The following ICE1 variants were observed in gnomAD, a reference collection of about 807,000 sequenced individuals.
The protein encoded by ICE1 is interactor of little elongation complex ELL subunit 1.
A neutral mutation model predicts 192.7 loss-of-function variants in ICE1; 64 were observed. That is an observed-to-expected ratio of 0.33 (90% confidence interval 0.27 to 0.41). The LOEUF is 0.41. Among genes scored for constraint, ICE1 ranks in the 10% least tolerant of loss-of-function variants. ICE1 has a pLI of 1.00. For missense variants in ICE1, 2,708 were observed against 2,696.0 expected, an observed-to-expected ratio of 1.00 and a Z score of -0.10; for synonymous variants, 1,010 against 984.5, an observed-to-expected ratio of 1.03 and a Z score of -0.49.
rs1280870179 is a variant in ICE1 at position 5,462,703 on chromosome 5, A to C, written c.3369A>C (p.Gln1123His). 1.2e-6 allele frequency: 2 copies of C among 1,613,952 alleles called. No individual in the cohort carries two copies. The highest frequency in any genetic ancestry group is 3.3e-5 in the Admixed American group (2 of 60,020). The change falls in exon 13 of 19, where the codon CAA becomes CAC. Residue 1123 changes from glutamine (Q) to histidine (H), a missense_variant. Physicochemically the swap from Gln to His is conservative, Grantham distance 24. This residue lies in a region of ICE1 where 2,366 missense variants were observed against 2,276.6 expected (regional missense o/e 1.04). Coordinates refer to ENST00000296564, the MANE Select transcript of ICE1 (RefSeq NM_015325.3). ...AFSCSEGSEQ[Q>H]DAPDDSQKNL... is the part of the protein sequence containing the mutation. ...GCTGCAGTGAGGGGAGCGAACAGCA[A>C]GATGCTCCTGATGACTCACAGAAAA...
Position 5,463,626 on chromosome 5 carries a change from C to T in ICE1, c.4292C>T (p.Ala1431Val), listed in dbSNP as rs1185326369. 6.2e-7 allele frequency: 1 copy of T among 1,614,018 alleles called. No individual in the cohort carries two copies. Among genetic ancestry groups the T allele is most frequent in the African/African-American group, 1.3e-5 (1 of 75,052 alleles). ...GDNWTIISGV[A>V]VLPHVDQVTL... is the part of the protein sequence containing the mutation. Reference sequence around the variant, plus strand: ...AACTGGACAATCATCAGTGGTGTAGCTGTCTTGCCACATGTGGACCAGGTC... The same window carrying T: ...AACTGGACAATCATCAGTGGTGTAGTTGTCTTGCCACATGTGGACCAGGTC... Residue 1431 changes from alanine to valine, a missense_variant, in exon 13 of 19, where the codon GCT becomes GTT. By Grantham distance (64) the Ala-to-Val change is moderately conservative. This residue lies in a region of ICE1 where 2,366 missense variants were observed against 2,276.6 expected (regional missense o/e 1.04). Transcript: ENST00000296564.
chr5:5,422,884 C>A lies in ICE1; in HGVS notation c.-32C>A. 7.5e-7 allele frequency: 1 copy of A among 1,338,008 alleles called. No homozygotes were observed. Among genetic ancestry groups the A allele is most frequent in the Non-Finnish European group, 9.6e-7 (1 of 1,045,308 alleles). 82.9% of individuals were successfully genotyped at this position (1,338,008 alleles called of 1,614,324 possible). A position where few individuals can be genotyped will look rare whatever the true frequency, so the allele number is the denominator to read the frequency against. On this transcript the variant is annotated 5_prime_UTR_variant, in exon 1 of 19. Coordinates refer to ENST00000296564, the MANE Select transcript of ICE1 (RefSeq NM_015325.3). Reference sequence around the variant, plus strand: ...GGGCCGACGCCGCGGGCCCCTGAGGCGTGCGTGCCCACCGGGCCCGGCGGC... The same window carrying A: ...GGGCCGACGCCGCGGGCCCCTGAGGAGTGCGTGCCCACCGGGCCCGGCGGC...
chr5:5,464,019 ATCAG>A lies in ICE1; in HGVS notation c.4689_4692del (p.Ser1564ThrfsTer4). The A allele has an allele frequency of 6.2e-7, 1 of 1,613,716 alleles. No individual in the cohort carries two copies. Among genetic ancestry groups the A allele is most frequent in the Non-Finnish European group, 8.5e-7 (1 of 1,179,836 alleles). ...AATCGATCAAAGATTTCAAACAAAGATCAGTCAAACAAACCAGTAAAAACTTCAG... is the reference window on the plus strand; with the variant it reads ...AATCGATCAAAGATTTCAAACAAAGATCAAACAAACCAGTAAAAACTTCAG... On this transcript the variant is annotated frameshift_variant, in exon 13 of 19. Transcript: ENST00000296564. LOFTEE classifies it high-confidence loss of function. This position sits in a 1 kb window ranked among gnomAD's most constrained non-coding sequence, Gnocchi z 4.0.
At chr5:5,445,637 C>G (rs920139121) in intron 7 of ICE1, among the ~76,000 whole-genome samples, 3 of 152,042 alleles carry the variant, frequency 2.0e-5, no homozygotes, top group Non-Finnish European at 4.4e-5. Context: ...TGGTCTCGAA[C>G]TCCTGACCTC....
At chr5:5,458,025 A>G (rs1738639870) in intron 12 of ICE1, among the ~76,000 whole-genome samples, 1 of 152,150 alleles carries the variant, frequency 6.6e-6, no homozygotes, top group Non-Finnish European at 1.5e-5. Flanking sequence ...AATTGTTTTT[A>G]TCTCTTGATA....
intron 4 of ICE1, 71 bp from the exon 5 acceptor site, chr5:5,441,041 A>G: frequency 3.2e-6 from 3 of 950,136 alleles, no homozygotes; most frequent in Non-Finnish European, 1.6e-6. Flanking sequence ...AAAATCTGAA[A>G]TTATAAGCAC....
At chr5:5,481,436 C>T (rs1466237761) in intron 17 of ICE1, among the ~76,000 whole-genome samples, 1 of 152,054 alleles carries the variant, frequency 6.6e-6, no homozygotes. Flanking sequence ...TCAGCTGTAC[C>T]TGTGATTTAT....
At chr5:5,467,336 A>C (rs1330383621) in intron 14 of ICE1, among the ~76,000 whole-genome samples, 1 of 152,208 alleles carries the variant, frequency 6.6e-6, no homozygotes, top group African/African-American at 2.4e-5. Context: ...AAAAACACAC[A>C]TGAAGTTCAG....
rs1363847765 is a variant in ICE1, at chr5:5,460,741, A to G, written c.1407A>G (p.Arg469=). The G allele has an allele frequency of 1.5e-5, 24 of 1,613,890 alleles. No homozygotes were observed. The highest frequency in any genetic ancestry group is 2.0e-5 in the Non-Finnish European group (24 of 1,179,910). The change falls in exon 13 of 19, where the codon CGA becomes CGG. Residue 469 remains arginine, a synonymous_variant. Transcript: ENST00000296564. ...AAAAACACTGGACCACAGCATCTCG[A>G]TCCATGAGTGATAGAAAAAGAGACA... ...VGEKHWTTAS[R]SMSDRKRDIL...
chr5:5,437,158 T>TA, intron 3 of ICE1, 44 bp downstream of exon 3: 1 of 1,394,658 alleles, frequency 7.2e-7, no homozygotes, highest in Non-Finnish European at 9.9e-7. Flanking sequence ...GGAACTAACT[T>TA]ATGTTTAATT....
At position 5,460,707 on chromosome 5, in the gene ICE1, T is replaced by C. The variant is rs543614489; in HGVS notation, c.1373T>C (p.Leu458Ser). Residue 458 changes from leucine (L) to serine (S), a missense_variant, in exon 13 of 19, where the codon TTA (leucine) becomes TCA (serine). Coordinates refer to ENST00000296564, the MANE Select transcript of ICE1 (RefSeq NM_015325.3). ...TLRESSATHS[L>S]VGEKHWTTAS... The stretch of plus-strand genomic sequence containing the variant: ...AGAGAATCTTCTGCCACACACTCCT[T>C]AGTTGGTGAAAAACACTGGACCACA... 5 of 1,613,934 alleles carry C rather than the reference T, an allele frequency of 3.1e-6. No homozygotes were observed. Among genetic ancestry groups the C allele is most frequent in the East Asian group, 2.2e-5 (1 of 44,890 alleles).
intron 16 of ICE1, among the ~76,000 whole-genome samples, chr5:5,474,766 C>T (rs1402134354): frequency 6.6e-6 from 1 of 152,138 alleles, no homozygotes; most frequent in Non-Finnish European, 1.5e-5. Context: ...AATCCATATC[C>T]TTGAGATACT....
rs371455158 is a variant in ICE1 at position 5,461,740 on chromosome 5, A to G, written c.2406A>G (p.Glu802=). 30 of 1,613,698 alleles carry G rather than the reference A, an allele frequency of 1.9e-5. No homozygotes were observed. In the African/African-American group the frequency reaches 3.9e-4, roughly 21 times the overall value. The change falls in exon 13 of 19, where the codon GAA becomes GAG. Residue 802 remains glutamate, a synonymous_variant. Coordinates refer to ENST00000296564, the MANE Select transcript of ICE1 (RefSeq NM_015325.3). ...HHSDLLRKGG[E]ESLRAKSEHE... ...GTGATTTATTAAGGAAAGGTGGCGA[A>G]GAAAGTCTGAGAGCCAAATCAGAAC...
intron 10 of ICE1, among the ~76,000 whole-genome samples, chr5:5,452,591 C>T (rs1738456641): frequency 1.3e-5 from 2 of 151,960 alleles, no homozygotes; most frequent in Admixed American, 6.6e-5. Context: ...AAAATTTCCC[C>T]AAATGTATTT....
chr5:5,469,209 C>T (rs937038658), intron 15 of ICE1, among the ~76,000 whole-genome samples: 2 of 152,120 alleles, frequency 1.3e-5, no homozygotes, highest in Non-Finnish European at 2.9e-5. Context: ...TGTTAATTAA[C>T]AGTTTGTGTT....
chr5:5,430,874 T>G (rs1205377028), intron 1 of ICE1, among the ~76,000 whole-genome samples: 2 of 152,248 alleles, frequency 1.3e-5, no homozygotes, highest in East Asian at 3.8e-4. Context: ...TTTAATTCAA[T>G]TTTTCATCCT....
intron 17 of ICE1, among the ~76,000 whole-genome samples, chr5:5,485,774 T>C (rs917288320): frequency 2.6e-5 from 4 of 152,126 alleles, no homozygotes. Flanking sequence ...ATCACCAATC[T>C]CATCACAGAA....
intron 15 of ICE1, among the ~76,000 whole-genome samples, chr5:5,472,159 T>G (rs143518637): frequency 2.6e-5 from 4 of 152,138 alleles, no homozygotes; most frequent in African/African-American, 9.6e-5. Context: ...TTTAAACATA[T>G]TCATAAACTT....
rs191262961 is a variant in ICE1, at chr5:5,466,275, T to C, written c.5893-59T>C. The C allele has an allele frequency of 2.9e-4, 410 of 1,427,576 alleles. 2 individuals carry two copies. In the African/African-American group the frequency reaches 5.2e-3, roughly 18 times the overall value. 88.4% of individuals were successfully genotyped at this position (1,427,576 alleles called of 1,614,324 possible). ...AGTTTTGTAACTTTTAGATAATCTT[T>C]GGTAGGCTGAAGATAAGTATGAGTG... On this transcript the variant is annotated intron_variant, in intron 13 of 18. Transcript: ENST00000296564.
Sources: allele counts gnomAD v4.1 joint callset (sites outside exome capture counted in the v4.1 genomes callset), GRCh38; gene constraint gnomAD v4.1.1; regional missense constraint gnomAD v4.1.1; non-coding constraint Gnocchi (gnomAD v3.1); transcripts MANE v1.5; gene names NCBI Gene and HGNC (gene_info 2026-07-23, HGNC 2026-07-21).